The following PLEKHA2 variants were observed in gnomAD, a reference collection of about 807,000 sequenced individuals.
PLEKHA2 encodes the protein pleckstrin homology domain-containing family A member 2.
PLEKHA2 carries 28 observed loss-of-function variants against 53.2 expected under a neutral mutation model. The ratio of observed to expected loss-of-function variants is 0.53; its 90% CI spans 0.39 to 0.72. PLEKHA2 has a LOEUF of 0.72. PLEKHA2 is among the 30% of genes least tolerant of loss of function. The probability of loss-of-function intolerance (pLI) is 0.00; values close to 1 mark genes in which losing one functional copy is unlikely to be tolerated. For missense variants in PLEKHA2, 426 were observed against 537.9 expected (o/e 0.79, Z 2.06); for synonymous variants, 193 against 196.4 (o/e 0.98, Z 0.14).
Position 38,919,034 on chromosome 8 carries a change from C to T in PLEKHA2, c.141+964C>T, listed in dbSNP as rs768397371. Among the ~76,000 whole-genome samples, 4 of 152,210 alleles carry T rather than the reference C, an allele frequency of 2.6e-5. No homozygotes were observed. The East Asian group carries it at 7.7e-4, about 29-fold the overall frequency. On this transcript the variant is annotated intron_variant, in intron 2 of 11. Coordinates refer to ENST00000617275, the MANE Select transcript of PLEKHA2 (RefSeq NM_021623.2). ...TGCTCTTCCAGTCTGGGGGCCCCTC[C>T]CCAGCAGAGAATGTGACCTGGTTCC...
chr8:38,947,070 T>C (rs1238351335), intron 5 of PLEKHA2, among the ~76,000 whole-genome samples: 2 of 152,238 alleles, frequency 1.3e-5, no homozygotes, highest in Non-Finnish European at 2.9e-5. Context: ...GTATTCATAT[T>C]GCTAGACCCA....
intron 10 of PLEKHA2, 59 bp from the exon 11 acceptor site, chr8:38,968,533 T>C (rs755477280): frequency 7.8e-6 from 12 of 1,537,764 alleles, no homozygotes; most frequent in South Asian, 1.1e-5. Flanking sequence ...AGTCAGAGAC[T>C]TGGAAGCTGA....
At position 38,971,957 on chromosome 8, in the gene PLEKHA2, T is replaced by G. The variant is rs998617735; in HGVS notation, c.*2174T>G. The G allele has an allele frequency of 6.9e-6, 1 of 145,184 alleles. No homozygotes were observed. Among genetic ancestry groups the G allele is most frequent in the African/African-American group, 2.5e-5 (1 of 39,872 alleles). The allele number at this position is 145,184 out of a possible 1,614,324, so 9.0% of individuals were successfully genotyped here. ...GCAAGACTCCATCTCAAAAAAAAAATTATCTGATAGGTTACTATTGCTAAA... is the reference window on the plus strand; with the variant it reads ...GCAAGACTCCATCTCAAAAAAAAAAGTATCTGATAGGTTACTATTGCTAAA... On this transcript the variant is annotated 3_prime_UTR_variant, in exon 12 of 12. Coordinates refer to ENST00000617275, the MANE Select transcript of PLEKHA2 (RefSeq NM_021623.2).
At chr8:38,935,316 A>G (rs1456918694) in intron 2 of PLEKHA2, among the ~76,000 whole-genome samples, 2 of 152,094 alleles carry the variant, frequency 1.3e-5, no homozygotes, top group African/African-American at 4.8e-5. Context: ...GCCTTCTTAA[A>G]TGTATTAACT....
chr8:38,930,656 TGGCATGGCAC>T (rs1471857820), intron 2 of PLEKHA2, among the ~76,000 whole-genome samples: 3 of 152,084 alleles, frequency 2.0e-5, no homozygotes, highest in Admixed American at 6.5e-5. Flanking sequence ...CGGCATGGCA[TGGCATGGCAC>T]GGCATGGCAC....
chr8:38,971,845 G>A lies in PLEKHA2; in HGVS notation c.*2062G>A, dbSNP rs1234769599. ...GCCTGTAGTCCCAGCTACTTGGGAG[G>A]CTGCGGCAGGAGAATGGTGTGAACC... On this transcript the variant is annotated 3_prime_UTR_variant, in exon 12 of 12. Transcript: ENST00000617275. 6.6e-6 allele frequency: 1 copy of A among 152,224 alleles called. No individual in the cohort carries two copies. The highest frequency in any genetic ancestry group is 1.5e-5 in the Non-Finnish European group (1 of 68,062). The allele number at this position is 152,224 out of a possible 1,614,324, so 9.4% of individuals were successfully genotyped here.
chr8:38,928,523 A>G (rs1457646452), intron 2 of PLEKHA2, among the ~76,000 whole-genome samples: 2 of 151,998 alleles, frequency 1.3e-5, no homozygotes, highest in Admixed American at 6.6e-5. Flanking sequence ...TGTTGAGATT[A>G]CAGGCATGAA....
At position 38,956,315 on chromosome 8, in the gene PLEKHA2, G is replaced by A. The variant is rs142609493; in HGVS notation, c.774-1008G>A. On this transcript the variant is annotated intron_variant, in intron 9 of 11. Transcript: ENST00000617275. ...CCCACACCCAGCAGTGTCCCCTAAA[G>A]GAGTGCCCTGAGGTCATCTCCTCTC... 1.4e-3 allele frequency among the ~76,000 whole-genome samples: 219 copies of A among 152,296 alleles called. 2 individuals carry two copies. Among genetic ancestry groups the A allele is most frequent in the African/African-American group, 5.1e-3 (214 of 41,556 alleles).
intron 10 of PLEKHA2, among the ~76,000 whole-genome samples, chr8:38,965,598 T>C (rs1835121607): frequency 6.6e-6 from 1 of 152,188 alleles, no homozygotes; most frequent in Non-Finnish European, 1.5e-5. Flanking sequence ...GACCTCCATC[T>C]CATTCAAATT....
intron 2 of PLEKHA2, among the ~76,000 whole-genome samples, chr8:38,924,638 C>T (rs1834252839): frequency 6.6e-6 from 1 of 152,192 alleles, no homozygotes; most frequent in Admixed American, 6.5e-5. Flanking sequence ...CTTCCAGCAG[C>T]CCAGAGGCAG....
intron 1 of PLEKHA2, among the ~76,000 whole-genome samples, chr8:38,907,254 G>A (rs1006840057): frequency 6.6e-6 from 1 of 152,124 alleles, no homozygotes; most frequent in African/African-American, 2.4e-5. Flanking sequence ...TTTTTGAACT[G>A]AGGTTGTAGT....
chr8:38,969,373 G>A, intron 11 of PLEKHA2, 48 bp from the exon 12 acceptor site: 5 of 1,580,638 alleles, frequency 3.2e-6, no homozygotes, highest in Non-Finnish European at 4.3e-6. Flanking sequence ...AACATTGTCT[G>A]AAAAGCCCTA....
chr8:38,923,229 T>G (rs1473285720), intron 2 of PLEKHA2, among the ~76,000 whole-genome samples: 1 of 152,210 alleles, frequency 6.6e-6, no homozygotes, highest in Non-Finnish European at 1.5e-5. Flanking sequence ...TGGAGTCTCA[T>G]ATGGAAAGTT....
chr8:38,945,485 A>C (rs977644667), intron 4 of PLEKHA2, among the ~76,000 whole-genome samples: 3 of 152,186 alleles, frequency 2.0e-5, no homozygotes, highest in African/African-American at 7.2e-5. Context: ...TGGCATGCTC[A>C]TTCTTCTATT....
rs997999566 is a variant in PLEKHA2, at chr8:38,969,407, T to G, written c.916-14T>G. The G allele has an allele frequency of 3.1e-6, 5 of 1,598,390 alleles. No individual in the cohort carries two copies. Among genetic ancestry groups the G allele is most frequent in the Non-Finnish European group, 3.4e-6 (4 of 1,176,276 alleles). The stretch of plus-strand genomic sequence containing the variant: ...TAACTTTCTTTTGTCTTTTTCTTCC[T>G]TTTATTTTTATAGGAAACGTCCTTT... On this transcript the variant is annotated splice_polypyrimidine_tract_variant and intron_variant, in intron 11 of 11. Transcript: ENST00000617275.
intron 10 of PLEKHA2, among the ~76,000 whole-genome samples, chr8:38,962,349 A>G (rs1242747676): frequency 2.6e-5 from 4 of 152,110 alleles, no homozygotes; most frequent in African/African-American, 7.2e-5. Flanking sequence ...GTAAACCAAA[A>G]GAAAAGAAAA....
intron 2 of PLEKHA2, among the ~76,000 whole-genome samples, chr8:38,932,863 G>T (rs1290389209): frequency 6.6e-6 from 1 of 152,230 alleles, no homozygotes; most frequent in Non-Finnish European, 1.5e-5. Flanking sequence ...AGGACGTACA[G>T]TTGAGCCCAG....
At chr8:38,915,928 A>G (rs1382289940) in intron 1 of PLEKHA2, among the ~76,000 whole-genome samples, 19 of 152,128 alleles carry the variant, frequency 1.2e-4, no homozygotes, top group African/African-American at 4.3e-4. Context: ...AAGATGGGGT[A>G]TTCATCCCCT....
intron 2 of PLEKHA2, among the ~76,000 whole-genome samples, chr8:38,926,569 T>C (rs761241420): frequency 1.2e-4 from 18 of 152,204 alleles, no homozygotes; most frequent in Non-Finnish European, 2.1e-4. Flanking sequence ...ATGTGTTTTC[T>C]GTAGCCATCA....
Sources: gnomAD v4.1 joint callset for allele counts (sites outside exome capture counted in the v4.1 genomes callset) on GRCh38, gnomAD v4.1.1 for gene constraint, MANE v1.5 for transcripts, NCBI Gene and HGNC (gene_info 2026-07-23, HGNC 2026-07-21) for gene names.